FARP1: variants seen among roughly 807,000 people sequenced by gnomAD.
The protein encoded by FARP1 is FERM, ARHGEF and pleckstrin domain-containing protein 1.
A neutral mutation model predicts 128.8 loss-of-function variants in FARP1; 52 were observed. The ratio of observed to expected loss-of-function variants is 0.40; its 90% CI spans 0.32 to 0.51. FARP1 has a LOEUF of 0.51. Ranked by LOEUF, FARP1 falls within the 20% of genes least tolerant of loss-of-function variation. FARP1 has a pLI of 0.45. For missense variants in FARP1, 1,333 were observed against 1,367.9 expected (o/e 0.97, Z 0.40); for synonymous variants, 580 against 551.8 (o/e 1.05, Z -0.72).
chr13:98,316,661 TAA>T (rs564363059), intron 2 of FARP1, among the ~76,000 whole-genome samples: 48 of 152,348 alleles, frequency 3.2e-4, no homozygotes, highest in African/African-American at 1.2e-3. Context: ...TTTTTATTTG[TAA>T]CTAGTGGATG....
intron 2 of FARP1, among the ~76,000 whole-genome samples, chr13:98,262,417 G>A (rs150833441): frequency 1.3e-4 from 20 of 152,240 alleles, no homozygotes; most frequent in Non-Finnish European, 2.2e-4. Context: ...CACTTAAGTG[G>A]CTGGAGGGCA....
chr13:98,348,621 C>G (rs1414465741), intron 3 of FARP1, among the ~76,000 whole-genome samples: 1 of 152,262 alleles, frequency 6.6e-6, no homozygotes, highest in Admixed American at 6.5e-5. Context: ...CTTCACAGAG[C>G]AGAAGCATCC....
Position 98,439,950 on chromosome 13 carries a change from C to T in FARP1, c.2434-11C>T, listed in dbSNP as rs372636485. 2 of 1,546,368 alleles carry T rather than the reference C, an allele frequency of 1.3e-6. No homozygotes were observed. The highest frequency in any genetic ancestry group is 1.8e-6 in the Non-Finnish European group (2 of 1,140,042). ...GTGCCTCATGGTGACGTTATCTTCT[C>T]TTGCCCACAGATTGAGGAGAGCGAA... On this transcript the variant is annotated splice_polypyrimidine_tract_variant and intron_variant, in intron 21 of 26. Transcript: ENST00000319562.
At chr13:98,431,338 C>G in intron 18 of FARP1, 58 bp downstream of exon 18, 1 of 1,271,324 alleles carries the variant, frequency 7.9e-7, no homozygotes, top group Non-Finnish European at 1.1e-6. Context: ...GCCGGGTGCT[C>G]CCAGACTGAG....
At chr13:98,388,236 C>T (rs1483848719) in intron 8 of FARP1, 147 bp from the exon 9 acceptor site, 1 of 628,340 alleles carries the variant, frequency 1.6e-6, no homozygotes, top group Non-Finnish European at 2.9e-6. Flanking sequence ...CCGATAGCCA[C>T]AGATCCTGTG....
intron 2 of FARP1, among the ~76,000 whole-genome samples, chr13:98,229,214 C>T (rs568282790): frequency 6.6e-6 from 1 of 152,284 alleles, no homozygotes; most frequent in South Asian, 2.1e-4. Flanking sequence ...CCCCACATTT[C>T]TTTGCAAAGA....
At chr13:98,368,047 GTCTTTT>G (rs1889173832) in intron 4 of FARP1, 64 bp from the exon 5 acceptor site, 3 of 1,239,934 alleles carry the variant, frequency 2.4e-6, no homozygotes, top group East Asian at 2.4e-5. Flanking sequence ...TATTTGTAAA[GTCTTTT>G]TCTTTAATGG....
At chr13:98,177,452 G>A (rs1878171030) in intron 1 of FARP1, among the ~76,000 whole-genome samples, 1 of 151,752 alleles carries the variant, frequency 6.6e-6, no homozygotes, top group South Asian at 2.1e-4. Context: ...TTTAAGACCA[G>A]CCTGGCCAAC....
intron 2 of FARP1, among the ~76,000 whole-genome samples, chr13:98,294,346 A>C (rs1885571026): frequency 6.6e-6 from 1 of 152,212 alleles, no homozygotes; most frequent in Non-Finnish European, 1.5e-5. Flanking sequence ...GGGTTCAACC[A>C]TGAAGGGTTC....
At chr13:98,262,039 G>A (rs1374671282) in intron 2 of FARP1, among the ~76,000 whole-genome samples, 2 of 111,842 alleles carry the variant, frequency 1.8e-5, no homozygotes, top group Non-Finnish European at 3.4e-5. Context: ...TTTTTGAGAT[G>A]GAGTCTTACT....
chr13:98,440,748 A>G lies in FARP1; in HGVS notation c.2708A>G (p.Gln903Arg). The G allele has an allele frequency of 1.2e-6, 2 of 1,613,450 alleles. No homozygotes were observed. The highest frequency in any genetic ancestry group is 1.7e-6 in the Non-Finnish European group (2 of 1,179,980). ...LSASRTSLERQAPHRGNTMVH... is the reference protein window; with the variant it reads ...LSASRTSLERRAPHRGNTMVH... ...GCCTCGCGCACATCGCTGGAGCGCC[A>G]GGCCCCGCACCGCGGCAACACAATG... The change falls in exon 24 of 27, where the codon CAG becomes CGG. Residue 903 changes from glutamine (Q) to arginine (R), a missense_variant. Coordinates refer to ENST00000319562, the MANE Select transcript of FARP1 (RefSeq NM_005766.4).
At chr13:98,291,167 T>A (rs1885430243) in intron 2 of FARP1, among the ~76,000 whole-genome samples, 1 of 152,078 alleles carries the variant, frequency 6.6e-6, no homozygotes, top group African/African-American at 2.4e-5. Context: ...TCAATTAACA[T>A]GTTTTGTATG....
At chr13:98,280,118 T>G (rs779345048) in intron 2 of FARP1, among the ~76,000 whole-genome samples, 4 of 152,184 alleles carry the variant, frequency 2.6e-5, no homozygotes, top group Non-Finnish European at 2.9e-5. Flanking sequence ...CTCCCCTCCA[T>G]GACCTCAATG....
intron 16 of FARP1, among the ~76,000 whole-genome samples, chr13:98,413,579 C>T (rs532789088): frequency 1.3e-5 from 2 of 152,280 alleles, no homozygotes; most frequent in South Asian, 4.1e-4. Flanking sequence ...AGAATCACTT[C>T]AACCCAGAAG....
intron 11 of FARP1, among the ~76,000 whole-genome samples, chr13:98,391,229 C>G (rs532372758): frequency 6.2e-4 from 94 of 152,344 alleles, no homozygotes; most frequent in African/African-American, 2.1e-3. Flanking sequence ...GTATTGAAAG[C>G]ATGTCTATGA....
chr13:98,392,834 GT>G (rs11414488), intron 11 of FARP1, among the ~76,000 whole-genome samples: 2 of 149,246 alleles, frequency 1.3e-5, no homozygotes, highest in Non-Finnish European at 1.5e-5. Flanking sequence ...TTTTCAGGAG[GT>G]TTTTTTTTTG....
At chr13:98,175,512 T>C (rs1402871652) in intron 1 of FARP1, among the ~76,000 whole-genome samples, 1 of 65,814 alleles carries the variant, frequency 1.5e-5, no homozygotes, top group African/African-American at 3.8e-5. Context: ...ATATCTCTTT[T>C]TAGCTTTTTT....
intron 2 of FARP1, among the ~76,000 whole-genome samples, chr13:98,290,175 C>T (rs577416971): frequency 5.3e-5 from 8 of 151,762 alleles, no homozygotes; most frequent in South Asian, 2.1e-4. Context: ...TGGGAACTTA[C>T]GTTCCAGTAC....
chr13:98,380,139 G>C (rs1302829468), intron 6 of FARP1, among the ~76,000 whole-genome samples: 1 of 151,910 alleles, frequency 6.6e-6, no homozygotes, highest in Non-Finnish European at 1.5e-5. Context: ...TTCTTTAAAG[G>C]TCTGTTACAC....
Sources: gnomAD v4.1 joint callset for allele counts (sites outside exome capture counted in the v4.1 genomes callset) on GRCh38, gnomAD v4.1.1 for gene constraint, MANE v1.5 for transcripts, NCBI Gene and HGNC (gene_info 2026-07-23, HGNC 2026-07-21) for gene names.